RRP1B: variants seen among roughly 807,000 people sequenced by gnomAD.
The protein encoded by RRP1B is ribosomal RNA processing protein 1 homolog B.
Under a neutral mutation model 80.2 loss-of-function variants are expected in RRP1B, and 56 were observed. The ratio of observed to expected loss-of-function variants is 0.70; its 90% CI spans 0.56 to 0.87. The LOEUF (loss-of-function observed/expected upper bound fraction) is 0.87. RRP1B is among the 40% of genes least tolerant of loss of function. The pLI, the probability that RRP1B is intolerant of heterozygous loss-of-function variation, is 0.00. For missense variants in RRP1B, 807 were observed against 939.8 expected (o/e 0.86, Z 1.85); for synonymous variants, 351 against 357.6 (o/e 0.98, Z 0.21).
chr21:43,688,299 G>C (rs372653880), intron 13 of RRP1B, 59 bp downstream of exon 13: 10 of 1,468,368 alleles, frequency 6.8e-6, no homozygotes, highest in Non-Finnish European at 9.0e-6. Context: ...GCGTCCATGG[G>C]GCTCCACTGC....
Position 43,694,269 on chromosome 21 carries a change from G to C in RRP1B, c.*886G>C, listed in dbSNP as rs546658472. The C allele has an allele frequency of 3.9e-5, 6 of 152,380 alleles. No homozygotes were observed. The East Asian group carries it at 1.2e-3, about 29-fold the overall frequency. 9.4% of individuals were successfully genotyped at this position (152,380 alleles called of 1,614,324 possible). ...ATGGCAGCTCCCCATCTTCCCTAGAGGCTGCCTGCGCATCTGGAGCCTGCG... is the reference window on the plus strand; with the variant it reads ...ATGGCAGCTCCCCATCTTCCCTAGACGCTGCCTGCGCATCTGGAGCCTGCG... On this transcript the variant is annotated 3_prime_UTR_variant, in exon 16 of 16. Coordinates refer to ENST00000340648, the MANE Select transcript of RRP1B (RefSeq NM_015056.3).
chr21:43,683,098 C>G (rs537983141), intron 8 of RRP1B, among the ~76,000 whole-genome samples, 181 bp from the exon 9 acceptor site: 1 of 152,272 alleles, frequency 6.6e-6, no homozygotes, highest in Non-Finnish European at 1.5e-5. Flanking sequence ...ATCTAGAATT[C>G]CTGGCCTCAA....
chr21:43,676,670 T>C, intron 7 of RRP1B, 63 bp from the exon 8 acceptor site: 2 of 1,469,710 alleles, frequency 1.4e-6, no homozygotes, highest in Non-Finnish European at 9.4e-7. Context: ...TCTGTGCCCC[T>C]GAAGCCAGAA....
chr21:43,665,267 C>G (rs540026330), intron 1 of RRP1B, among the ~76,000 whole-genome samples: 1 of 152,312 alleles, frequency 6.6e-6, no homozygotes, highest in South Asian at 2.1e-4. Flanking sequence ...GAATATTATG[C>G]CATTTAGGTC....
chr21:43,682,268 C>T (rs1173864923), intron 8 of RRP1B, among the ~76,000 whole-genome samples: 1 of 152,172 alleles, frequency 6.6e-6, no homozygotes, highest in Non-Finnish European at 1.5e-5. Flanking sequence ...CTTCCAAGTG[C>T]AGTTCCGGAC....
Position 43,659,664 on chromosome 21 carries a change from G to C in RRP1B, c.-1G>C. ...CGGCCGGGGATGCTCCAGCGGGCGC[G>C]ATGGCCCCCGCCATGCAGCCGGCCG... On this transcript the variant is annotated 5_prime_UTR_variant, in exon 1 of 16. Coordinates refer to ENST00000340648, the MANE Select transcript of RRP1B (RefSeq NM_015056.3). The surrounding 1 kb of genome is among the most constrained non-coding windows in gnomAD (Gnocchi z 4.2). 1 of 1,504,236 alleles carries C rather than the reference G, an allele frequency of 6.6e-7. No homozygotes were observed. Among genetic ancestry groups the C allele is most frequent in the Non-Finnish European group, 8.9e-7 (1 of 1,125,588 alleles). The allele number at this position is 1,504,236 out of a possible 1,614,324, so 93.2% of individuals were successfully genotyped here. A position where few individuals can be genotyped will look rare whatever the true frequency, so the allele number is the denominator to read the frequency against.
In RRP1B at chr21:43,675,072, T is replaced by C; in HGVS notation, c.458T>C (p.Val153Ala). ...TTCTTGGATGTCCTGATGAAGGAGG[T>C]CCTGTGTCCTGAGAGTCAGTCTCCT... ...KVFLDVLMKE[V>A]LCPESQSPNG... The change falls in exon 6 of 16, where the codon GTC (valine) becomes GCC (alanine). Residue 153 changes from valine (V) to alanine (A), a missense_variant. Physicochemically the swap from Val to Ala is moderately conservative, Grantham distance 64. Coordinates refer to ENST00000340648, the MANE Select transcript of RRP1B (RefSeq NM_015056.3). 1 of 1,614,082 alleles carries C rather than the reference T, an allele frequency of 6.2e-7. No individual in the cohort carries two copies. The highest frequency in any genetic ancestry group is 1.1e-5 in the South Asian group (1 of 91,064).
chr21:43,671,716 G>T (rs967098240), intron 2 of RRP1B, among the ~76,000 whole-genome samples: 10 of 151,578 alleles, frequency 6.6e-5, no homozygotes, highest in African/African-American at 1.5e-4. Context: ...TTGAGATGGA[G>T]TCTAGCTCTG....
rs942723406 is a variant in RRP1B, at chr21:43,688,185, A to T, written c.1811A>T (p.Asn604Ile). 34 of 1,575,930 alleles carry T rather than the reference A, an allele frequency of 2.2e-5. No individual in the cohort carries two copies. The highest frequency in any genetic ancestry group is 2.7e-5 in the Non-Finnish European group (31 of 1,159,946). The change falls in exon 13 of 16, where the codon AAC becomes ATC. Residue 604 changes from asparagine (N) to isoleucine (I), a missense_variant. Asn to Ile is a moderately radical substitution (Grantham distance 149, BLOSUM62 -3). Transcript: ENST00000340648. ...KKRKKMRVMS[N>I]LVEHNGVLES... ...AGGAAGAAAATGAGAGTGATGTCAA[A>T]CTTGGTGGAGCACAACGGGGTGCTG...
chr21:43,685,938 T>C lies in RRP1B; in HGVS notation c.1009+149T>C, dbSNP rs1166677087. The C allele has an allele frequency of 4.0e-6, 4 of 1,007,758 alleles. No homozygotes were observed. In the African/African-American group the frequency reaches 6.7e-5, roughly 17 times the overall value. 62.4% of individuals were successfully genotyped at this position (1,007,758 alleles called of 1,614,324 possible). On this transcript the variant is annotated intron_variant, in intron 11 of 15. Transcript: ENST00000340648. Reference sequence around the variant, plus strand: ...ATAATAGTCCCTAGCCCAGGCAAAATAGCAAGGCCACATCTCTACTAAAAA... The same window carrying C: ...ATAATAGTCCCTAGCCCAGGCAAAACAGCAAGGCCACATCTCTACTAAAAA...
chr21:43,674,812 T>C lies in RRP1B; in HGVS notation c.419+115T>C, dbSNP rs1049870944. 29 of 1,077,534 alleles carry C rather than the reference T, an allele frequency of 2.7e-5. No individual in the cohort carries two copies. In the African/African-American group the frequency reaches 4.5e-4, roughly 17 times the overall value. 66.7% of individuals were successfully genotyped at this position (1,077,534 alleles called of 1,614,324 possible). A position where few individuals can be genotyped will look rare whatever the true frequency, so the allele number is the denominator to read the frequency against. On this transcript the variant is annotated intron_variant, in intron 5 of 15. Transcript: ENST00000340648. ...GAGAAGCTCGATACATCGTTACCTA[T>C]AGAGAATTGAAATCCAGTAGAAGGC... is the stretch of plus-strand genomic sequence containing the variant.
At chr21:43,669,039 A>C (rs1026621883) in intron 1 of RRP1B, among the ~76,000 whole-genome samples, 4 of 152,214 alleles carry the variant, frequency 2.6e-5, no homozygotes, top group Admixed American at 1.3e-4. Flanking sequence ...GAGTAGCTAG[A>C]GTCAGAACAA....
intron 6 of RRP1B, 97 bp from the exon 7 acceptor site, chr21:43,676,175 A>G: frequency 3.4e-6 from 3 of 888,918 alleles, no homozygotes; most frequent in Non-Finnish European, 5.4e-6. Context: ...GCTTGGTCTA[A>G]CTCCACCTTT....
intron 10 of RRP1B, 33 bp downstream of exon 10, chr21:43,684,683 C>A: frequency 6.5e-7 from 1 of 1,542,292 alleles, no homozygotes; most frequent in Non-Finnish European, 9.0e-7. Context: ...CTGACATCAT[C>A]ATTCCTTTAG....
At chr21:43,678,540 T>G (rs2083030985) in intron 8 of RRP1B, among the ~76,000 whole-genome samples, 1 of 152,214 alleles carries the variant, frequency 6.6e-6, no homozygotes, top group Non-Finnish European at 1.5e-5. Context: ...GGTTTTCATT[T>G]GCATTTCCGT....
intron 1 of RRP1B, among the ~76,000 whole-genome samples, chr21:43,661,441 C>G (rs1046989403): frequency 7.9e-5 from 12 of 152,212 alleles, no homozygotes; most frequent in African/African-American, 2.7e-4. Context: ...AGATTCCAGC[C>G]GGACACACGG....
chr21:43,667,185 C>CT (rs2082981441), intron 1 of RRP1B, among the ~76,000 whole-genome samples: 1 of 152,082 alleles, frequency 6.6e-6, no homozygotes, highest in African/African-American at 2.4e-5. Flanking sequence ...TGTTGATGGT[C>CT]TGACACATCC....
intron 13 of RRP1B, 61 bp downstream of exon 13, chr21:43,688,301 C>T: frequency 6.8e-7 from 1 of 1,464,798 alleles, no homozygotes; most frequent in East Asian, 2.5e-5. Context: ...GTCCATGGGG[C>T]TCCACTGCCT....
rs1055664432 is a variant in RRP1B, at chr21:43,659,885, T to C, written c.130+91T>C. On this transcript the variant is annotated intron_variant, in intron 1 of 15. Transcript: ENST00000340648. This position sits in a 1 kb window ranked among gnomAD's most constrained non-coding sequence, Gnocchi z 4.2. ...CAGGGCCCCGGCACGGAATGCGGCT[T>C]CCACGTGTTGTCGTGACACCCAGCG... is the stretch of plus-strand genomic sequence containing the variant. 2 of 1,309,808 alleles carry C rather than the reference T, an allele frequency of 1.5e-6. No homozygotes were observed. Among genetic ancestry groups the C allele is most frequent in the African/African-American group, 3.1e-5 (2 of 64,016 alleles). The allele number at this position is 1,309,808 out of a possible 1,614,324, so 81.1% of individuals were successfully genotyped here.
Sources: allele counts gnomAD v4.1 joint callset (sites outside exome capture counted in the v4.1 genomes callset), GRCh38; gene constraint gnomAD v4.1.1; non-coding constraint Gnocchi (gnomAD v3.1); transcripts MANE v1.5; gene names NCBI Gene and HGNC (gene_info 2026-07-23, HGNC 2026-07-21).